MACROD2: variants seen among roughly 807,000 people sequenced by gnomAD.
The protein encoded by MACROD2 is ADP-ribose glycohydrolase MACROD2.
MACROD2 carries 36 observed loss-of-function variants against 70.4 expected under a neutral mutation model. The observed-to-expected ratio is 0.51, with a 90% CI of 0.39 to 0.68. MACROD2 has a LOEUF of 0.68. Ranked by LOEUF, MACROD2 falls within the 30% of genes least tolerant of loss-of-function variation. MACROD2 has a pLI of 0.00. For missense variants in MACROD2, 496 were observed against 538.4 expected (o/e 0.92, Z 0.78); for synonymous variants, 172 against 178.8 (o/e 0.96, Z 0.30).
At chr20:15,866,662 C>A (rs951631771) in intron 9 of MACROD2, among the ~76,000 whole-genome samples, 3 of 152,160 alleles carry the variant, frequency 2.0e-5, no homozygotes, top group African/African-American at 7.2e-5. Context: ...TTCCAGGCTG[C>A]ATTTGGAGTA....
At chr20:15,258,689 G>C (rs1243617396) in intron 6 of MACROD2, among the ~76,000 whole-genome samples, 1 of 152,038 alleles carries the variant, frequency 6.6e-6, no homozygotes, top group African/African-American at 2.4e-5. Context: ...ACCAATGCAT[G>C]ATGACAGGTA....
chr20:15,340,162 G>T (rs2078095028), intron 6 of MACROD2, among the ~76,000 whole-genome samples: 3 of 72,882 alleles, frequency 4.1e-5, no homozygotes, highest in South Asian at 4.8e-4. Flanking sequence ...TTTTTGAGAT[G>T]GAGTCTGGCT....
chr20:14,104,511 A>G (rs1302394949), intron 3 of MACROD2, among the ~76,000 whole-genome samples: 2 of 152,246 alleles, frequency 1.3e-5, no homozygotes, highest in Non-Finnish European at 2.9e-5. Context: ...AACTTTCAGC[A>G]TAGTACCTAC....
At chr20:15,195,958 T>A (rs188472634) in intron 5 of MACROD2, among the ~76,000 whole-genome samples, 4 of 152,210 alleles carry the variant, frequency 2.6e-5, no homozygotes, top group African/African-American at 9.6e-5. Flanking sequence ...GAAACTGTTA[T>A]CTTCAACAAA....
intron 10 of MACROD2, among the ~76,000 whole-genome samples, chr20:15,925,728 C>T (rs140479807): frequency 3.3e-5 from 5 of 152,184 alleles, no homozygotes; most frequent in Non-Finnish European, 5.9e-5. Flanking sequence ...CATTTCGTCT[C>T]TTTGAACACG....
intron 8 of MACROD2, among the ~76,000 whole-genome samples, chr20:15,693,099 A>C (rs997581618): frequency 6.6e-6 from 1 of 152,170 alleles, no homozygotes; most frequent in African/African-American, 2.4e-5. Context: ...TTAAGCCTGC[A>C]GAAATGTGAG....
chr20:14,801,831 T>C (rs2072579542), intron 5 of MACROD2, among the ~76,000 whole-genome samples: 1 of 152,054 alleles, frequency 6.6e-6, no homozygotes, highest in East Asian at 1.9e-4. Flanking sequence ...AGGCAATTGA[T>C]TAACACCGAG....
At chr20:15,419,231 C>T (rs1039336058) in intron 6 of MACROD2, among the ~76,000 whole-genome samples, 2 of 152,164 alleles carry the variant, frequency 1.3e-5, no homozygotes, top group Non-Finnish European at 2.9e-5. Context: ...ATTGTCCCCA[C>T]CAGGGCAAGG....
chr20:15,383,629 C>T (rs1347288373), intron 6 of MACROD2, among the ~76,000 whole-genome samples: 1 of 152,194 alleles, frequency 6.6e-6, no homozygotes, highest in Non-Finnish European at 1.5e-5. Context: ...GCATTTCCTT[C>T]TCCCTATCAT....
intron 3 of MACROD2, among the ~76,000 whole-genome samples, chr20:14,372,474 G>T (rs1432570651): frequency 6.6e-6 from 1 of 151,854 alleles, no homozygotes; most frequent in African/African-American, 2.4e-5. Context: ...TTTGTGCCTT[G>T]TGTCTTTTTA....
At chr20:15,247,063 C>T (rs1486736494) in intron 6 of MACROD2, among the ~76,000 whole-genome samples, 1 of 152,062 alleles carries the variant, frequency 6.6e-6, no homozygotes, top group African/African-American at 2.4e-5. Flanking sequence ...TGGGGTGTGA[C>T]TGCTAATAGG....
At position 14,286,633 on chromosome 20, in the gene MACROD2, C is replaced by T. The variant is rs559146889; in HGVS notation, c.271+200905C>T. Among the ~76,000 whole-genome samples, 430 of 152,122 alleles carry T rather than the reference C, an allele frequency of 2.8e-3. 2 individuals carry two copies. Among genetic ancestry groups the T allele is most frequent in the African/African-American group, 9.7e-3 (404 of 41,520 alleles). ...GTAGATTTTGTTTTTCTGCCTCACT[C>T]CATTATATATAATGGCTTAGCTTTG... On this transcript the variant is annotated intron_variant, in intron 3 of 17. Coordinates refer to ENST00000684519, the MANE Select transcript of MACROD2 (RefSeq NM_001351661.2).
chr20:14,982,881 C>T (rs1317846467), intron 5 of MACROD2, among the ~76,000 whole-genome samples: 6 of 152,162 alleles, frequency 3.9e-5, no homozygotes, highest in Admixed American at 3.9e-4. Flanking sequence ...AAGAGGATCA[C>T]TATCCTCCAG....
intron 4 of MACROD2, among the ~76,000 whole-genome samples, chr20:14,641,476 A>G (rs1202460658): frequency 6.6e-6 from 1 of 152,232 alleles, no homozygotes; most frequent in Non-Finnish European, 1.5e-5. Context: ...GAAGGTTTTC[A>G]GTGTCCTTTG....
chr20:14,265,872 G>T (rs1198170570), intron 3 of MACROD2, among the ~76,000 whole-genome samples: 1 of 151,040 alleles, frequency 6.6e-6, no homozygotes, highest in Admixed American at 6.6e-5. Context: ...CGCCTTCCGG[G>T]TTCACGCCAT....
At chr20:15,833,661 C>G (rs564750078) in intron 8 of MACROD2, among the ~76,000 whole-genome samples, 1 of 152,236 alleles carries the variant, frequency 6.6e-6, no homozygotes, top group East Asian at 1.9e-4. Flanking sequence ...TAAAACAGGG[C>G]TGTTGCTCTT....
chr20:14,174,409 G>C (rs2081247260), intron 3 of MACROD2, among the ~76,000 whole-genome samples: 1 of 152,102 alleles, frequency 6.6e-6, no homozygotes, highest in Non-Finnish European at 1.5e-5. Flanking sequence ...GGGGATTATG[G>C]CTTCCTCTGC....
At chr20:14,227,194 C>T (rs1183940658) in intron 3 of MACROD2, among the ~76,000 whole-genome samples, 2 of 152,096 alleles carry the variant, frequency 1.3e-5, no homozygotes, top group African/African-American at 4.8e-5. Flanking sequence ...CACCAATCAG[C>T]GCCCTGTGGA....
intron 5 of MACROD2, among the ~76,000 whole-genome samples, chr20:15,083,781 G>A (rs1355130234): frequency 6.6e-6 from 1 of 152,098 alleles, no homozygotes; most frequent in African/African-American, 2.4e-5. Context: ...GGCTAGAGGA[G>A]AGGCATCACT....
Sources: gnomAD v4.1 joint callset for allele counts (sites outside exome capture counted in the v4.1 genomes callset) on GRCh38, gnomAD v4.1.1 for gene constraint, MANE v1.5 for transcripts, NCBI Gene and HGNC (gene_info 2026-07-23, HGNC 2026-07-21) for gene names.